JMJD1C: variants seen among roughly 807,000 people sequenced by gnomAD.
The protein encoded by JMJD1C is jumonji domain containing 1C.
A neutral mutation model predicts 245.3 loss-of-function variants in JMJD1C; 31 were observed. That is an observed-to-expected ratio of 0.13 (90% CI 0.09 to 0.17). JMJD1C has a LOEUF of 0.17. Ranked by LOEUF, JMJD1C falls within the 10% of genes least tolerant of loss-of-function variation. The pLI, the probability that JMJD1C is intolerant of heterozygous loss-of-function variation, is 1.00. For missense variants in JMJD1C, 2,691 were observed against 3,000.2 expected (o/e 0.90, Z 2.41); for synonymous variants, 1,057 against 1,017.4 (o/e 1.04, Z -0.74).
At chr10:63,516,680 T>C (rs1280717779) in intron 1 of JMJD1C, among the ~76,000 whole-genome samples, 1 of 152,200 alleles carries the variant, frequency 6.6e-6, no homozygotes, top group Non-Finnish European at 1.5e-5. Flanking sequence ...CTACTGGAAA[T>C]GTGTAAGAAT....
chr10:63,234,589 TA>T (rs1187164562), intron 3 of JMJD1C, among the ~76,000 whole-genome samples: 49 of 150,840 alleles, frequency 3.2e-4, no homozygotes, highest in African/African-American at 1.1e-3. Context: ...CTTAAATTTT[TA>T]GATTTGCTAA....
rs914481297 is a variant in JMJD1C at position 63,287,009 on chromosome 10, T to A, written c.334-22245A>T. On this transcript the variant is annotated intron_variant, in intron 2 of 25. Transcript: ENST00000399262. ...GTAAAGTTAATCATTCAACAAAAAA[T>A]TTATCAGCCCTGGCAACATAGGGAG... is the stretch of plus-strand genomic sequence containing the variant. 2.0e-5 allele frequency among the ~76,000 whole-genome samples: 3 copies of A among 152,058 alleles called. No homozygotes were observed. The South Asian group carries it at 6.2e-4, about 31-fold the overall frequency.
chr10:63,223,560 G>T (rs141167920), intron 3 of JMJD1C, among the ~76,000 whole-genome samples: 1 of 152,106 alleles, frequency 6.6e-6, no homozygotes, highest in African/African-American at 2.4e-5. Context: ...TGCCAACACC[G>T]TGCAGACAAG....
At chr10:63,274,346 C>A (rs774582012) in intron 2 of JMJD1C, among the ~76,000 whole-genome samples, 7 of 152,198 alleles carry the variant, frequency 4.6e-5, no homozygotes, top group Non-Finnish European at 1.0e-4. Context: ...AGGTGGATCA[C>A]TTGAGCCCAC....
In JMJD1C at chr10:63,214,176, T is replaced by C; in HGVS notation, c.1991A>G (p.Asn664Ser). The change falls in exon 8 of 26, where the codon AAC (asparagine) becomes AGC (serine). Residue 664 changes from asparagine to serine, a missense_variant. Physicochemically the swap from Asn to Ser is conservative, Grantham distance 46. Coordinates refer to ENST00000399262, the MANE Select transcript of JMJD1C (RefSeq NM_032776.3). ...DSVKSKATYV[N>S]SQATGERRLA... is the part of the protein sequence containing the mutation. ...TCTTCTTTCACCAGTAGCTTGGCTG[T>C]TCACATAAGTGGCCTTAGACTTTAC... 6.2e-7 allele frequency: 1 copy of C among 1,614,168 alleles called. No homozygotes were observed. The highest frequency in any genetic ancestry group is 1.1e-5 in the South Asian group (1 of 91,082).
chr10:63,271,702 C>T (rs1245852497), intron 2 of JMJD1C, among the ~76,000 whole-genome samples: 1 of 152,122 alleles, frequency 6.6e-6, no homozygotes, highest in Non-Finnish European at 1.5e-5. Context: ...CATGCATGCA[C>T]CACAACACTT....
intron 1 of JMJD1C, among the ~76,000 whole-genome samples, chr10:63,435,434 TTATAG>T (rs1951007052): frequency 1.3e-5 from 2 of 152,104 alleles, no homozygotes; most frequent in African/African-American, 4.8e-5. Context: ...TTTGGAAAGA[TTATAG>T]TAAACACAGA....
chr10:63,285,418 T>C (rs1333290342), intron 2 of JMJD1C, among the ~76,000 whole-genome samples: 5 of 152,144 alleles, frequency 3.3e-5, no homozygotes, highest in Non-Finnish European at 5.9e-5. Flanking sequence ...AGCCAACATT[T>C]CTAAATCCCT....
At chr10:63,239,842 T>C (rs958854522) in intron 3 of JMJD1C, among the ~76,000 whole-genome samples, 2 of 152,194 alleles carry the variant, frequency 1.3e-5, no homozygotes, top group Non-Finnish European at 2.9e-5. Context: ...CAAGGTCTGA[T>C]GGTTGAATGT....
rs924106174 is a variant in JMJD1C at position 63,207,809 on chromosome 10, G to A, written c.3860C>T (p.Thr1287Ile). Residue 1287 changes from threonine to isoleucine, a missense_variant, in exon 10 of 26, where the codon ACT (threonine) becomes ATT (isoleucine). Physicochemically the swap from Thr to Ile is moderately conservative, Grantham distance 89. Coordinates refer to ENST00000399262, the MANE Select transcript of JMJD1C (RefSeq NM_032776.3). ...RPNNNLSKEK[T>I]EWHVEKSSGK... ...GCTGCTTTTCTCCACATGCCATTCA[G>A]TTTTCTCTTTGCTGAGGTTATTATT... is the stretch of plus-strand genomic sequence containing the variant. 5 of 1,614,136 alleles carry A rather than the reference G, an allele frequency of 3.1e-6. No homozygotes were observed. The highest frequency in any genetic ancestry group is 2.7e-5 in the African/African-American group (2 of 75,016).
chr10:63,328,606 C>T (rs1180901533), intron 2 of JMJD1C, among the ~76,000 whole-genome samples: 1 of 152,164 alleles, frequency 6.6e-6, no homozygotes, highest in South Asian at 2.1e-4. Context: ...CATACACATA[C>T]ATAAATGCAT....
chr10:63,276,517 T>G (rs1856791961), intron 2 of JMJD1C, among the ~76,000 whole-genome samples: 1 of 147,236 alleles, frequency 6.8e-6, no homozygotes, highest in East Asian at 2.0e-4. Context: ...AAACCCCAAC[T>G]CTACTAAAAA....
intron 2 of JMJD1C, among the ~76,000 whole-genome samples, chr10:63,375,922 G>A (rs79302199): frequency 6.6e-6 from 1 of 151,762 alleles, no homozygotes; most frequent in African/African-American, 2.4e-5. Context: ...CCTTTTTCTG[G>A]AGAAAAAGAA....
rs528622391 is a variant in JMJD1C, at chr10:63,479,198, G to A, written n.113+42540C>T. 4.0e-5 allele frequency among the ~76,000 whole-genome samples: 6 copies of A among 150,046 alleles called. No homozygotes were observed. The South Asian group carries it at 1.1e-3, about 26-fold the overall frequency. ...AAAAATTTTCAAACTTAATGAGAGAGAGAAAAAGAAGAATGAATACCCACA... is the reference window on the plus strand; with the variant it reads ...AAAAATTTTCAAACTTAATGAGAGAAAGAAAAAGAAGAATGAATACCCACA... On this transcript the variant is annotated intron_variant and non_coding_transcript_variant, in intron 1 of 3. Coordinates refer to the JMJD1C transcript ENST00000633035.
chr10:63,370,202 G>C (rs1290774795), intron 2 of JMJD1C, among the ~76,000 whole-genome samples: 1 of 152,146 alleles, frequency 6.6e-6, no homozygotes, highest in African/African-American at 2.4e-5. Context: ...GCAATAAACT[G>C]TAGGCATGAA....
chr10:63,310,967 T>C (rs1268445868), intron 2 of JMJD1C, among the ~76,000 whole-genome samples: 1 of 152,130 alleles, frequency 6.6e-6, no homozygotes, highest in African/African-American at 2.4e-5. Context: ...TAAATGTTGA[T>C]AAAGATGTTA....
intron 17 of JMJD1C, 50 bp downstream of exon 17, chr10:63,190,844 T>A: frequency 6.9e-7 from 1 of 1,440,478 alleles, no homozygotes; most frequent in Non-Finnish European, 9.8e-7. Context: ...AGTCTCCAAA[T>A]CATCTCTATT....
Position 63,251,417 on chromosome 10 carries a change from C to T in JMJD1C, c.447+13234G>A, listed in dbSNP as rs181695744. On this transcript the variant is annotated intron_variant, in intron 3 of 25. Coordinates refer to ENST00000399262, the MANE Select transcript of JMJD1C (RefSeq NM_032776.3). ...GATACATTGGAATATATTAGTATTC[C>T]TATTTAAGTGCAAATGTGAAAGATT... Among the ~76,000 whole-genome samples the T allele has an allele frequency of 3.9e-5, 6 of 152,168 alleles. No individual in the cohort carries two copies. The East Asian group carries it at 9.6e-4, about 24-fold the overall frequency.
At chr10:63,193,181 A>G (rs1188201800) in intron 15 of JMJD1C, 30 bp from the exon 16 acceptor site, 3 of 1,573,448 alleles carry the variant, frequency 1.9e-6, no homozygotes, top group South Asian at 1.1e-5. Flanking sequence ...ACATTTTTAA[A>G]CACTTTCTTC....
Sources: allele counts gnomAD v4.1 joint callset (sites outside exome capture counted in the v4.1 genomes callset), GRCh38; gene constraint gnomAD v4.1.1; transcripts MANE v1.5; gene names NCBI Gene and HGNC (gene_info 2026-07-23, HGNC 2026-07-21).